EEIG2: variants seen among roughly 807,000 people sequenced by gnomAD.
The protein encoded by EEIG2 is EEIG family member 2.
At chr1:108,604,914 C>T in the EEIG2 span, among the ~76,000 whole-genome samples, 20 of 150,730 alleles carry the variant, frequency 1.3e-4, 1 homozygote, top group South Asian at 1.5e-3. Context: ...TGTGGTGGCA[C>T]GCACCTGTAG....
At chr1:108,628,417 G>A in the EEIG2 span, 1 of 1,613,882 alleles carries the variant, frequency 6.2e-7, no homozygotes, top group Non-Finnish European at 8.5e-7. Flanking sequence ...GTCACTCCCG[G>A]TCATCTAGTT....
chr1:108,591,330 CAAAA>C, the EEIG2 span, among the ~76,000 whole-genome samples: 3 of 151,708 alleles, frequency 2.0e-5, no homozygotes, highest in Non-Finnish European at 4.4e-5. Flanking sequence ...TTATCACACA[CAAAA>C]AAAATCTGAG....
the EEIG2 span, chr1:108,560,111 A>AGCGGCGGCGGAGGCG: frequency 7.5e-4 from 130 of 173,596 alleles, no homozygotes; most frequent in African/African-American, 2.0e-3. Context: ...GACGGGCGGC[A>AGCGGCGGCGGAGGCG]GCGGCGGCGG....
the EEIG2 span, among the ~76,000 whole-genome samples, chr1:108,613,774 A>G: frequency 2.7e-3 from 408 of 151,958 alleles, 1 homozygote; most frequent in African/African-American, 9.3e-3. Context: ...TCATTTTTCC[A>G]TAGCTTCACC....
the EEIG2 span, among the ~76,000 whole-genome samples, chr1:108,603,037 T>C: frequency 2.0e-5 from 3 of 152,174 alleles, no homozygotes; most frequent in African/African-American, 7.2e-5. Context: ...ATTAATGGAC[T>C]AGCTTGTTGC....
At chr1:108,562,603 G>T in the EEIG2 span, among the ~76,000 whole-genome samples, 1 of 152,168 alleles carries the variant, frequency 6.6e-6, no homozygotes, top group Non-Finnish European at 1.5e-5. Context: ...AAACCTGGAT[G>T]GGTTACTTAG....
chr1:108,577,016 G>A, the EEIG2 span, among the ~76,000 whole-genome samples: 2 of 148,894 alleles, frequency 1.3e-5, no homozygotes, highest in African/African-American at 4.9e-5. Context: ...ATATCTCATA[G>A]TGGTTTTGAT....
chr1:108,615,897 A>C, the EEIG2 span, among the ~76,000 whole-genome samples: 1 of 152,146 alleles, frequency 6.6e-6, no homozygotes, highest in South Asian at 2.1e-4. Flanking sequence ...TCAACGTGGC[A>C]ACTTGAAGGA....
chr1:108,568,013 GAAAAC>G, the EEIG2 span, among the ~76,000 whole-genome samples: 1 of 151,662 alleles, frequency 6.6e-6, no homozygotes, highest in Middle Eastern at 3.4e-3. Context: ...AAAAAGAAAA[GAAAAC>G]AAAAGAAAAG....
the EEIG2 span, chr1:108,625,163 A>G: frequency 1.3e-5 from 2 of 157,296 alleles, no homozygotes; most frequent in African/African-American, 2.4e-5. Context: ...GTGAAAACAC[A>G]GGTTGCTGGC....
At chr1:108,632,989 T>G in the EEIG2 span, among the ~76,000 whole-genome samples, 1 of 148,486 alleles carries the variant, frequency 6.7e-6, no homozygotes, top group Non-Finnish European at 1.5e-5. Flanking sequence ...CTCACTGTGT[T>G]GCCCAGGCTG....
At chr1:108,589,580 A>T in the EEIG2 span, among the ~76,000 whole-genome samples, 2 of 151,900 alleles carry the variant, frequency 1.3e-5, no homozygotes, top group African/African-American at 4.8e-5. Context: ...GGCTTTGGTG[A>T]CAACGTAATC....
chr1:108,586,057 T>C, the EEIG2 span, among the ~76,000 whole-genome samples: 1 of 152,108 alleles, frequency 6.6e-6, no homozygotes, highest in Non-Finnish European at 1.5e-5. Flanking sequence ...TTTCATAATA[T>C]GTAGCAGTAT....
the EEIG2 span, chr1:108,600,633 A>G: frequency 3.7e-5 from 60 of 1,611,256 alleles, no homozygotes; most frequent in East Asian, 3.8e-4. Context: ...AATGAGTGCA[A>G]GTGCTGCCAC....
At chr1:108,574,018 T>C in the EEIG2 span, among the ~76,000 whole-genome samples, 5 of 152,210 alleles carry the variant, frequency 3.3e-5, no homozygotes, top group African/African-American at 1.2e-4. Context: ...CTTCTGGATG[T>C]ATACCCAAAG....
chr1:108,583,849 A>C, the EEIG2 span, among the ~76,000 whole-genome samples: 1 of 152,120 alleles, frequency 6.6e-6, no homozygotes, highest in Non-Finnish European at 1.5e-5. Context: ...CCTTGGTAGA[A>C]AAAGACCTAA....
the EEIG2 span, among the ~76,000 whole-genome samples, chr1:108,593,380 C>T: frequency 6.6e-6 from 1 of 152,226 alleles, no homozygotes; most frequent in Non-Finnish European, 1.5e-5. Context: ...TATGTTTCAA[C>T]TGTCCCTCTC....
At chr1:108,588,068 A>G in the EEIG2 span, among the ~76,000 whole-genome samples, 202 of 152,240 alleles carry the variant, frequency 1.3e-3, 2 homozygotes, top group African/African-American at 4.7e-3. Context: ...ATAATATTCC[A>G]TTTATGTATA....
At chr1:108,560,396 G>C in the EEIG2 span, 1 of 1,525,414 alleles carries the variant, frequency 6.6e-7, no homozygotes. Context: ...GCGCCCGGCC[G>C]TGCGCCCAGC....
Sources: gnomAD v4.1 joint callset for allele counts (sites outside exome capture counted in the v4.1 genomes callset) on GRCh38, gnomAD v4.1.1 for gene constraint, MANE v1.5 for transcripts, NCBI Gene and HGNC (gene_info 2026-07-23, HGNC 2026-07-21) for gene names.